Variants in ATP6AP1 observed in about 807,000 individuals in gnomAD.
ATP6AP1 encodes the protein V-type proton ATPase subunit S1.
In ATP6AP1, 1 loss-of-function variant was observed where a neutral mutation model predicts 32.0. The ratio of observed to expected loss-of-function variants is 0.03; its 90% CI spans 0.01 to 0.15. The LOEUF (loss-of-function observed/expected upper bound fraction) is 0.15. Among genes scored for constraint, ATP6AP1 ranks in the 10% least tolerant of loss-of-function variants. The pLI, the probability that ATP6AP1 is intolerant of heterozygous loss-of-function variation, is 1.00. For missense variants in ATP6AP1, 297 were observed against 398.8 expected (o/e 0.74, Z 2.17); for synonymous variants, 187 against 174.9 (o/e 1.07, Z -0.55).
intron 7 of ATP6AP1, 49 bp downstream of exon 7, chrX:154,434,495 C>T: frequency 1.7e-6 from 2 of 1,143,769 alleles, no homozygotes; most frequent in African/African-American, 1.8e-5. Flanking sequence ...GTGACCTTCC[C>T]ATCACTGTGG....
intron 2 of ATP6AP1, chrX:154,429,668 G>A (rs1557196473): frequency 8.8e-6 from 1 of 113,025 alleles, no homozygotes; most frequent in African/African-American, 3.2e-5. Flanking sequence ...GCCAAGGAAA[G>A]TAAGGTTTGT....
At position 154,435,747 on chromosome X, in the gene ATP6AP1, C is replaced by T. The variant is rs1557197576; in HGVS notation, c.1269C>T (p.Ser423=). ...SYASDCASFF[S]PGIWMGLLTS... is the part of the protein sequence containing the mutation. ...CCAGCGACTGTGCCAGCTTCTTCTCCCCCGGCATCTGGATGGGGCTGCTCA... is the reference window on the plus strand; with the variant it reads ...CCAGCGACTGTGCCAGCTTCTTCTCTCCCGGCATCTGGATGGGGCTGCTCA... Residue 423 remains serine (S), a synonymous_variant, in exon 10 of 10, where the codon TCC becomes TCT. Transcript: ENST00000369762. The T allele has an allele frequency of 1.7e-6, 2 of 1,210,142 alleles. No individual in the cohort carries two copies. The highest frequency in any genetic ancestry group is 3.5e-5 in the African/African-American group (2 of 57,133).
chrX:154,433,353 C>G (rs111418906), intron 5 of ATP6AP1, among the ~76,000 whole-genome samples: 54 of 112,397 alleles, frequency 4.8e-4, no homozygotes, highest in African/African-American at 1.6e-3. Context: ...AGTCGTGAAC[C>G]TTTCATGGGT....
intron 6 of ATP6AP1, among the ~76,000 whole-genome samples, chrX:154,433,966 T>A (rs782667538): frequency 9.9e-5 from 11 of 111,552 alleles, no homozygotes; most frequent in Admixed American, 2.8e-4. Flanking sequence ...CCTGTGAGGC[T>A]TGTGGGTGGC....
chrX:154,428,871 G>T lies in ATP6AP1; in HGVS notation c.161+18G>T. 9.2e-7 allele frequency: 1 copy of T among 1,087,327 alleles called. No homozygotes were observed. 89.6% of individuals were successfully genotyped at this position (1,087,327 alleles called of 1,213,427 possible). ...AGTGACCGGTGAGCGGGCCGGGGTG[G>T]GATGCGCTGTGGCGGCTGAGGCGCC... is the stretch of plus-strand genomic sequence containing the variant. On this transcript the variant is annotated intron_variant, in intron 1 of 9. Transcript: ENST00000369762.
Position 154,432,450 on chromosome X carries a change from A to G in ATP6AP1, c.548A>G (p.Tyr183Cys), listed in dbSNP as rs144602046. 2 of 1,182,733 alleles carry G rather than the reference A, an allele frequency of 1.7e-6. No homozygotes were observed. Among genetic ancestry groups the G allele is most frequent in the African/African-American group, 3.5e-5 (2 of 57,066 alleles). The change falls in exon 4 of 10, where the codon TAC becomes TGC. Residue 183 changes from tyrosine (Y) to cysteine (C), a missense_variant. Transcript: ENST00000369762. Reference sequence around the variant, plus strand: ...GCTCTGCTGCTCATTCGCCTGCCCTACACAGCCAGGTACTGCCCGCATGGC... The same window carrying G: ...GCTCTGCTGCTCATTCGCCTGCCCTGCACAGCCAGGTACTGCCCGCATGGC... ...LPALLLIRLP[Y>C]TASSGLMAPR...
rs1003941708 is a variant in ATP6AP1, at chrX:154,434,504, G to A, written c.923+58G>A. 9 of 1,119,044 alleles carry A rather than the reference G, an allele frequency of 8.0e-6. No homozygotes were observed. In the African/African-American group the frequency reaches 1.6e-4, roughly 20 times the overall value. The allele number at this position is 1,119,044 out of a possible 1,213,427, so 92.2% of individuals were successfully genotyped here. On this transcript the variant is annotated intron_variant, in intron 7 of 9. Coordinates refer to ENST00000369762, the MANE Select transcript of ATP6AP1 (RefSeq NM_001183.6). ...CCACAGGTGACCTTCCCATCACTGT[G>A]GGTCGCAGGTGGGGCAGGGAGCCAG...
At chrX:154,428,900 G>A in intron 1 of ATP6AP1, 47 bp downstream of exon 1, 2 of 1,088,612 alleles carry the variant, frequency 1.8e-6, no homozygotes, top group South Asian at 4.7e-5. Flanking sequence ...AGGCGCCCTC[G>A]CCCGACTCCG....
chrX:154,428,998 C>G, intron 1 of ATP6AP1, 50 bp from the exon 2 acceptor site: 1 of 1,196,646 alleles, frequency 8.4e-7, no homozygotes, highest in Non-Finnish European at 1.1e-6. Context: ...CGACAGAGCT[C>G]CAGTCCACAT....
At chrX:154,429,586 A>C in intron 2 of ATP6AP1, 1 of 127,028 alleles carries the variant, frequency 7.9e-6, no homozygotes, top group Non-Finnish European at 1.6e-5. Context: ...TAATAATGAT[A>C]ATTGGAAAAT....
chrX:154,430,074 C>T, intron 2 of ATP6AP1: 1 of 111,225 alleles, frequency 9.0e-6, no homozygotes, highest in Non-Finnish European at 1.9e-5. Context: ...ATGAAGACAC[C>T]ACCTATATCA....
intron 3 of ATP6AP1, 50 bp from the exon 4 acceptor site, chrX:154,432,216 G>C (rs782349918): frequency 1.2e-5 from 13 of 1,105,486 alleles, no homozygotes; most frequent in African/African-American, 9.1e-5. Context: ...GGCTGGGCCA[G>C]GCCCACTGGC....
intron 3 of ATP6AP1, 59 bp from the exon 4 acceptor site, chrX:154,432,207 G>T: frequency 9.5e-7 from 1 of 1,050,821 alleles, no homozygotes; most frequent in Non-Finnish European, 1.3e-6. Flanking sequence ...GGTGTGGGGG[G>T]CTGGGCCAGG....
In ATP6AP1 at chrX:154,429,183, G is replaced by A; in HGVS notation, c.288+9G>A. On this transcript the variant is annotated intron_variant, in intron 2 of 9. Transcript: ENST00000369762. ...TGTTCCTGCAGGACAAGGTGCGCCC[G>A]CCCCAGCCCACTCTCCCCCGGTCAT... 2 of 1,209,315 alleles carry A rather than the reference G, an allele frequency of 1.7e-6. No individual in the cohort carries two copies. Among genetic ancestry groups the A allele is most frequent in the Non-Finnish European group, 2.2e-6 (2 of 894,217 alleles).
chrX:154,435,658 G>T, intron 9 of ATP6AP1, 24 bp from the exon 10 acceptor site: 1 of 1,208,731 alleles, frequency 8.3e-7, no homozygotes, highest in Non-Finnish European at 1.1e-6. Context: ...GGTCCTTTCT[G>T]ACCCGTGTCT....
chrX:154,430,579 C>G (rs1178288267), intron 2 of ATP6AP1: 1 of 111,998 alleles, frequency 8.9e-6, no homozygotes, highest in African/African-American at 3.2e-5. Context: ...AACCCAAGCC[C>G]CCACCCTCAG....
chrX:154,435,987 C>G lies in ATP6AP1; in HGVS notation c.*96C>G. The G allele has an allele frequency of 1.1e-6, 1 of 871,953 alleles. No homozygotes were observed. Among genetic ancestry groups the G allele is most frequent in the Admixed American group, 2.4e-5 (1 of 42,326 alleles). The allele number at this position is 871,953 out of a possible 1,213,427, so 71.9% of individuals were successfully genotyped here. ...GGACTGAAGAGCTTCCCTCTTCCTA[C>G]TGCAGCATGAACTGCAAGCTCCCCT... is the stretch of plus-strand genomic sequence containing the variant. On this transcript the variant is annotated 3_prime_UTR_variant, in exon 10 of 10. Coordinates refer to ENST00000369762, the MANE Select transcript of ATP6AP1 (RefSeq NM_001183.6).
chrX:154,435,909 G>A lies in ATP6AP1; in HGVS notation c.*18G>A, dbSNP rs112489029. The A allele has an allele frequency of 1.8e-5, 22 of 1,190,978 alleles. No homozygotes were observed. The highest frequency in any genetic ancestry group is 2.5e-5 in the Non-Finnish European group (22 of 877,429). Reference sequence around the variant, plus strand: ...TTGTGTGACCCTGTGCCAGTGGGGGGGTTGAGGGTGGGACGGTGTCCGTGT... The same window carrying A: ...TTGTGTGACCCTGTGCCAGTGGGGGAGTTGAGGGTGGGACGGTGTCCGTGT... On this transcript the variant is annotated 3_prime_UTR_variant, in exon 10 of 10. Transcript: ENST00000369762.
intron 4 of ATP6AP1, 31 bp downstream of exon 4, chrX:154,432,490 C>G: frequency 2.6e-6 from 3 of 1,146,990 alleles, no homozygotes; most frequent in Non-Finnish European, 2.3e-6. Flanking sequence ...CCACCAGCCT[C>G]GGGGCCCAGA....
Sources: gnomAD v4.1 joint callset for allele counts (sites outside exome capture counted in the v4.1 genomes callset) on GRCh38, gnomAD v4.1.1 for gene constraint, MANE v1.5 for transcripts, NCBI Gene and HGNC (gene_info 2026-07-23, HGNC 2026-07-21) for gene names.